Variants in ATF3 observed in about 807,000 individuals in gnomAD.
ATF3 encodes the protein cyclic AMP-dependent transcription factor ATF-3.
A neutral mutation model predicts 18.4 loss-of-function variants in ATF3; 10 were observed. That is an observed-to-expected ratio of 0.54 (90% confidence interval 0.34 to 0.92). The LOEUF (loss-of-function observed/expected upper bound fraction) is 0.92, where lower values mean the gene tolerates loss of function less well. Among genes scored for constraint, ATF3 ranks in the 40% least tolerant of loss-of-function variants. The probability of loss-of-function intolerance (pLI) is 0.02; values close to 1 mark genes in which losing one functional copy is unlikely to be tolerated. For missense variants in ATF3, 183 were observed against 222.3 expected (o/e 0.82, Z 1.12); for synonymous variants, 78 against 87.9 (o/e 0.89, Z 0.63).
At chr1:212,609,006 C>G (rs1335098293) in intron 1 of ATF3, 76 bp downstream of exon 1, 1 of 152,316 alleles carries the variant, frequency 6.6e-6, no homozygotes. Context: ...CTCTAAGTAA[C>G]CAGTCCGCCG....
chr1:212,570,379 A>G (rs1459465541), intron 1 of ATF3, among the ~76,000 whole-genome samples: 2 of 152,248 alleles, frequency 1.3e-5, no homozygotes, highest in African/African-American at 4.8e-5. Flanking sequence ...GGAAATGCAC[A>G]AATCTTAAAT....
chr1:212,613,690 G>A (rs1170216617), intron 1 of ATF3: 1 of 151,920 alleles, frequency 6.6e-6, no homozygotes, highest in Non-Finnish European at 1.5e-5. Context: ...CGGTTGAGAG[G>A]AATGCCCAGA....
At chr1:212,570,891 G>A (rs1390275892) in intron 1 of ATF3, among the ~76,000 whole-genome samples, 2 of 152,180 alleles carry the variant, frequency 1.3e-5, no homozygotes, top group Non-Finnish European at 2.9e-5. Flanking sequence ...GCTGTCCCCA[G>A]TTTGGTGCCA....
At chr1:212,585,401 T>TTCTTA in intron 1 of ATF3, among the ~76,000 whole-genome samples, 1 of 152,216 alleles carries the variant, frequency 6.6e-6, no homozygotes, top group South Asian at 2.1e-4. Flanking sequence ...CTGTTGCCTC[T>TTCTTA]GCCTAGAGCC....
chr1:212,602,478 C>T (rs1361514655), intron 1 of ATF3, among the ~76,000 whole-genome samples: 2 of 152,188 alleles, frequency 1.3e-5, no homozygotes, highest in African/African-American at 4.8e-5. Flanking sequence ...CCCTGAACTG[C>T]ATCAGAGCAT....
intron 1 of ATF3, among the ~76,000 whole-genome samples, chr1:212,578,481 G>A (rs1017653211): frequency 5.9e-5 from 9 of 152,016 alleles, no homozygotes; most frequent in East Asian, 3.9e-4. Flanking sequence ...GTGTTCCTCC[G>A]CACCATTTTC....
At chr1:212,585,277 C>T (rs1664758347) in intron 1 of ATF3, among the ~76,000 whole-genome samples, 1 of 152,326 alleles carries the variant, frequency 6.6e-6, no homozygotes, top group Admixed American at 6.5e-5. Context: ...TACCTGTCGA[C>T]CTCTCCAGAC....
At chr1:212,567,393 C>T (rs531565531) in intron 1 of ATF3, among the ~76,000 whole-genome samples, 18 of 152,308 alleles carry the variant, frequency 1.2e-4, no homozygotes, top group African/African-American at 4.1e-4. Context: ...TTAACAGCTG[C>T]AATGAGTGAA....
At chr1:212,597,936 A>T (rs942213459) in intron 1 of ATF3, among the ~76,000 whole-genome samples, 1 of 152,190 alleles carries the variant, frequency 6.6e-6, no homozygotes, top group African/African-American at 2.4e-5. Context: ...TAGGCATTCA[A>T]GGAGTGCTTG....
chr1:212,616,054 G>T (rs1332648765), intron 2 of ATF3, among the ~76,000 whole-genome samples: 1 of 151,886 alleles, frequency 6.6e-6, no homozygotes, highest in Non-Finnish European at 1.5e-5. Flanking sequence ...GGAGAGGGAA[G>T]AAGCCACGTG....
chr1:212,604,772 G>T (rs1189960875), upstream of ATF3, among the ~76,000 whole-genome samples: 2 of 152,102 alleles, frequency 1.3e-5, no homozygotes, highest in Non-Finnish European at 2.9e-5. Context: ...AGAAAAGTTG[G>T]GAGCCTTAGA....
intron 1 of ATF3, among the ~76,000 whole-genome samples, chr1:212,584,599 A>T (rs1302305719): frequency 6.6e-6 from 1 of 152,144 alleles, no homozygotes; most frequent in Non-Finnish European, 1.5e-5. Flanking sequence ...TACAAGGGGG[A>T]GGACGATCTG....
intron 2 of ATF3, 127 bp from the exon 3 acceptor site, chr1:212,618,000 A>G (rs976170222): frequency 1.2e-6 from 1 of 821,676 alleles, no homozygotes; most frequent in Non-Finnish European, 2.0e-6. Context: ...GAGCTTTAGT[A>G]TTTCGGGGTC....
At chr1:212,606,685 C>T (rs190009875), upstream of ATF3, among the ~76,000 whole-genome samples, 1 of 152,372 alleles carries the variant, frequency 6.6e-6, no homozygotes, top group Admixed American at 6.5e-5. Context: ...ACGTGTTCTC[C>T]CTCCTCTCCT....
chr1:212,570,588 C>T (rs189972064), intron 1 of ATF3, among the ~76,000 whole-genome samples: 48 of 152,230 alleles, frequency 3.2e-4, no homozygotes, highest in East Asian at 9.6e-4. Context: ...ACCATCATCC[C>T]GGAAAGCTCC....
chr1:212,578,885 G>T (rs147433984), intron 1 of ATF3, among the ~76,000 whole-genome samples: 1 of 151,956 alleles, frequency 6.6e-6, no homozygotes, highest in Non-Finnish European at 1.5e-5. Flanking sequence ...GCTCAGTGAC[G>T]ATAGGGACAG....
At chr1:212,601,564 C>T (rs1473390353) in intron 1 of ATF3, among the ~76,000 whole-genome samples, 1 of 152,114 alleles carries the variant, frequency 6.6e-6, no homozygotes, top group Non-Finnish European at 1.5e-5. Flanking sequence ...TTTTCTTAAC[C>T]TTTCTGTGCT....
chr1:212,616,875 G>C (rs935703355), intron 2 of ATF3, among the ~76,000 whole-genome samples: 5 of 152,148 alleles, frequency 3.3e-5, no homozygotes, highest in Non-Finnish European at 7.4e-5. Flanking sequence ...TGTAAGAATG[G>C]AGCGTCCATT....
chr1:212,607,068 C>G (rs935575382), upstream of ATF3, among the ~76,000 whole-genome samples: 3 of 152,338 alleles, frequency 2.0e-5, no homozygotes, highest in East Asian at 5.8e-4. Flanking sequence ...TCCAGGGCTC[C>G]CGGGTCCGCC....
Sources: gnomAD v4.1 joint callset for allele counts (sites outside exome capture counted in the v4.1 genomes callset) on GRCh38, gnomAD v4.1.1 for gene constraint, MANE v1.5 for transcripts, NCBI Gene and HGNC (gene_info 2026-07-23, HGNC 2026-07-21) for gene names.